The following MLPH variants were observed in gnomAD, a reference collection of about 807,000 sequenced individuals.
The protein encoded by MLPH is exophilin-3.
In MLPH, 51 loss-of-function variants were observed where a neutral mutation model predicts 72.1. The observed-to-expected ratio is 0.71, with a 90% CI of 0.56 to 0.89. The LOEUF (loss-of-function observed/expected upper bound fraction) is 0.89. Among genes scored for constraint, MLPH ranks in the 40% least tolerant of loss-of-function variants. The probability of loss-of-function intolerance (pLI) is 0.00; values close to 1 mark genes in which losing one functional copy is unlikely to be tolerated. For synonymous variants in MLPH, 301 were observed against 310.1 expected (o/e 0.97, Z 0.31); for missense variants, 743 against 759.9 (o/e 0.98, Z 0.26).
intron 1 of MLPH, among the ~76,000 whole-genome samples, chr2:237,490,047 G>A (rs1056870824): frequency 3.6e-4 from 55 of 152,314 alleles, no homozygotes; most frequent in African/African-American, 1.3e-3. Context: ...GGAACAGGCA[G>A]TAAGTGGAAG....
In MLPH at chr2:237,553,922, C is replaced by A. The variant is rs1428379929; in HGVS notation, c.*330C>A. On this transcript the variant is annotated 3_prime_UTR_variant, in exon 16 of 16. Transcript: ENST00000264605. Reference sequence around the variant, plus strand: ...AGACCTTTATACTGTGATCTTTTACCCCTTTCACTCTTGGCTTTCTTATGT... The same window carrying A: ...AGACCTTTATACTGTGATCTTTTACACCTTTCACTCTTGGCTTTCTTATGT... The A allele has an allele frequency of 6.4e-6, 3 of 469,562 alleles. No individual in the cohort carries two copies. Among genetic ancestry groups the A allele is most frequent in the Non-Finnish European group, 1.2e-5 (3 of 251,940 alleles). 29.1% of individuals were successfully genotyped at this position (469,562 alleles called of 1,614,324 possible).
At chr2:237,538,593 G>C (rs2080591190) in intron 9 of MLPH, among the ~76,000 whole-genome samples, 1 of 152,218 alleles carries the variant, frequency 6.6e-6, no homozygotes, top group Non-Finnish European at 1.5e-5. Context: ...GGCCGCTGAG[G>C]GGGTCTCAGA....
chr2:237,536,471 A>G (rs1430284193), intron 9 of MLPH, among the ~76,000 whole-genome samples: 29 of 152,140 alleles, frequency 1.9e-4, no homozygotes, highest in Admixed American at 1.9e-3. Flanking sequence ...CATGAGTGAG[A>G]CTCGGCCCAT....
In MLPH at chr2:237,519,893, G is replaced by C; in HGVS notation, c.556-17G>C. ...CTAGCCCTGACTTGAGTCTTGCCCT[G>C]TCTTGTGCCTGCTAAGAAAAAGCGC... On this transcript the variant is annotated splice_polypyrimidine_tract_variant and intron_variant, in intron 5 of 15. Transcript: ENST00000264605. The C allele has an allele frequency of 6.2e-7, 1 of 1,613,918 alleles. No individual in the cohort carries two copies. The highest frequency in any genetic ancestry group is 8.5e-7 in the Non-Finnish European group (1 of 1,179,992).
intron 8 of MLPH, 28 bp downstream of exon 8, chr2:237,527,544 T>C: frequency 6.2e-7 from 1 of 1,613,822 alleles, no homozygotes; most frequent in Non-Finnish European, 8.5e-7. Flanking sequence ...GACTTCTGTC[T>C]TGTCGTTTCT....
At position 237,518,607 on chromosome 2, in the gene MLPH, G is replaced by C; in HGVS notation, c.514G>C (p.Gly172Arg). 1.2e-6 allele frequency: 2 copies of C among 1,613,786 alleles called. No individual in the cohort carries two copies. The highest frequency in any genetic ancestry group is 1.7e-6 in the Non-Finnish European group (2 of 1,179,926). Residue 172 changes from glycine to arginine, a missense_variant, in exon 5 of 16, where the codon GGC (glycine) becomes CGC (arginine). By Grantham distance (125) the Gly-to-Arg change is moderately radical. Transcript: ENST00000264605. Reference protein sequence around the residue: ...SDQTDEDGEPGSEAQAQAQPF... With the variant: ...SDQTDEDGEPRSEAQAQAQPF... ...CCAGACAGATGAGGATGGAGAACCT[G>C]GCTCAGAGGCCCAGGCCCAGGCCCA...
rs2080047332 is a variant in MLPH, at chr2:237,517,018, TGGA to T, written c.446-1520_446-1518del. Among the ~76,000 whole-genome samples the T allele has an allele frequency of 4.7e-5, 7 of 147,608 alleles. 1 individual carries two copies. Among genetic ancestry groups the T allele is most frequent in the African/African-American group, 1.8e-4 (7 of 38,472 alleles). On this transcript the variant is annotated intron_variant, in intron 4 of 15. Transcript: ENST00000264605. ...GTGAGTGGATGGATGGATGGATGGA[TGGA>T]TGGATGGATGGATGGATGGATAGGT...
At chr2:237,530,836 C>T (rs962506882) in intron 8 of MLPH, among the ~76,000 whole-genome samples, 40 of 152,318 alleles carry the variant, frequency 2.6e-4, no homozygotes, top group African/African-American at 9.1e-4. Flanking sequence ...TTCTGTGTCC[C>T]GAGAGGACTT....
chr2:237,545,308 A>G, intron 12 of MLPH: 1 of 548,228 alleles, frequency 1.8e-6, no homozygotes. Flanking sequence ...CACAGCACAC[A>G]CGCCACCGTG....
chr2:237,522,559 G>C (rs1440063272), intron 6 of MLPH, among the ~76,000 whole-genome samples: 1 of 141,720 alleles, frequency 7.1e-6, no homozygotes, highest in Admixed American at 6.8e-5. Context: ...CTGAGACTGG[G>C]CTTGGACCTT....
chr2:237,515,640 G>A (rs1355051127), intron 4 of MLPH, among the ~76,000 whole-genome samples: 2 of 152,158 alleles, frequency 1.3e-5, no homozygotes, highest in Non-Finnish European at 2.9e-5. Flanking sequence ...GGTCATAACT[G>A]CAGGAGTGCC....
chr2:237,493,723 A>C (rs1463632522), intron 2 of MLPH, among the ~76,000 whole-genome samples, 187 bp downstream of exon 2: 1 of 152,188 alleles, frequency 6.6e-6, no homozygotes, highest in Non-Finnish European at 1.5e-5. Context: ...CTGACTTGCC[A>C]AACTGACATT....
intron 1 of MLPH, among the ~76,000 whole-genome samples, chr2:237,488,597 C>G (rs963754606): frequency 6.6e-6 from 1 of 152,192 alleles, no homozygotes; most frequent in African/African-American, 2.4e-5. Flanking sequence ...GGCCCTCACT[C>G]AGGCTCTAAG....
chr2:237,548,068 C>T (rs983796252), intron 13 of MLPH, among the ~76,000 whole-genome samples: 3 of 152,220 alleles, frequency 2.0e-5, no homozygotes, highest in Non-Finnish European at 2.9e-5. Flanking sequence ...CAGCACCCAG[C>T]GGGTAGGCAG....
At chr2:237,548,638 G>A (rs1056966725) in intron 13 of MLPH, among the ~76,000 whole-genome samples, 2 of 152,214 alleles carry the variant, frequency 1.3e-5, no homozygotes, top group Non-Finnish European at 2.9e-5. Context: ...GGAGGCCGAG[G>A]TGGGCGGATC....
chr2:237,509,361 G>A (rs537316022), intron 2 of MLPH, among the ~76,000 whole-genome samples: 2 of 152,272 alleles, frequency 1.3e-5, no homozygotes, highest in African/African-American at 4.8e-5. Flanking sequence ...CTGGCCCTCA[G>A]GGTACCGTTC....
Position 237,512,867 on chromosome 2 carries a change from T to A in MLPH, c.445+1766T>A, listed in dbSNP as rs575883365. Among the ~76,000 whole-genome samples, 1 of 152,124 alleles carries A rather than the reference T, an allele frequency of 6.6e-6. No homozygotes were observed. The highest frequency in any genetic ancestry group is 1.9e-4 in the East Asian group (1 of 5,192). ...TTTCCACAGCTCAGCCCAGAGCTGCTGGAGTTCACACGGCCCACCAGAACC... is the reference window on the plus strand; with the variant it reads ...TTTCCACAGCTCAGCCCAGAGCTGCAGGAGTTCACACGGCCCACCAGAACC... On this transcript the variant is annotated intron_variant, in intron 4 of 15. Transcript: ENST00000264605. The surrounding 1 kb of genome is among the most constrained non-coding windows in gnomAD (Gnocchi z 5.5).
At chr2:237,542,745 G>C (rs1267170005) in intron 12 of MLPH, 86 bp downstream of exon 12, 11 of 776,602 alleles carry the variant, frequency 1.4e-5, no homozygotes, top group South Asian at 3.3e-5. Context: ...GGGGACAGTG[G>C]TGAGTGGAGG....
intron 1 of MLPH, among the ~76,000 whole-genome samples, chr2:237,487,995 G>T (rs1343302722): frequency 6.6e-6 from 1 of 152,136 alleles, no homozygotes; most frequent in Admixed American, 6.5e-5. Context: ...TGTGGGAAGG[G>T]TCTGTGAGCT....
Sources: gnomAD v4.1 joint callset for allele counts (sites outside exome capture counted in the v4.1 genomes callset) on GRCh38, gnomAD v4.1.1 for gene constraint, Gnocchi (gnomAD v3.1) non-coding constraint, MANE v1.5 for transcripts, NCBI Gene and HGNC (gene_info 2026-07-23, HGNC 2026-07-21) for gene names.